SMARCC1: variants seen among roughly 807,000 people sequenced by gnomAD.
The protein encoded by SMARCC1 is SWI/SNF related BAF chromatin remodeling complex subunit C1, also known as SWI/SNF complex subunit SMARCC1.
Under a neutral mutation model 147.4 loss-of-function variants are expected in SMARCC1, and 43 were observed. The observed-to-expected ratio is 0.29, with a 90% CI of 0.23 to 0.38. The LOEUF (loss-of-function observed/expected upper bound fraction) is 0.38. Ranked by LOEUF, SMARCC1 falls within the 10% of genes least tolerant of loss-of-function variation. The pLI is 1.00. For missense variants in SMARCC1, 1,119 were observed against 1,381.1 expected, an observed-to-expected ratio of 0.81 and a Z score of 3.01; for synonymous variants, 495 against 484.4, an observed-to-expected ratio of 1.02 and a Z score of -0.29.
chr3:47,677,259 G>A (rs1158406392), intron 16 of SMARCC1, among the ~76,000 whole-genome samples: 2 of 151,522 alleles, frequency 1.3e-5, no homozygotes, highest in Non-Finnish European at 2.9e-5. Flanking sequence ...ATCACCATGC[G>A]CAGCTAATTT....
At chr3:47,679,436 G>C (rs2033612308) in intron 15 of SMARCC1, among the ~76,000 whole-genome samples, 1 of 152,144 alleles carries the variant, frequency 6.6e-6, no homozygotes. Context: ...ATGCAATTAA[G>C]CTCCATTCAC....
chr3:47,756,533 C>CA (rs11353915), intron 2 of SMARCC1, among the ~76,000 whole-genome samples: 4,217 of 82,738 alleles, frequency 0.051, 246 homozygotes, highest in African/African-American at 0.16. Flanking sequence ...AACTCCGTCT[C>CA]AAAAAAAAAA....
At chr3:47,677,766 G>A (rs1576408448) in intron 16 of SMARCC1, among the ~76,000 whole-genome samples, 1 of 152,210 alleles carries the variant, frequency 6.6e-6, no homozygotes, top group Non-Finnish European at 1.5e-5. Context: ...TCGAACTCCT[G>A]ACCTCAGGTG....
Position 47,781,623 on chromosome 3 carries a change from G to A in SMARCC1, c.175C>T (p.Leu59=), listed in dbSNP as rs963148434. 1 of 1,553,048 alleles carries A rather than the reference G, an allele frequency of 6.4e-7. No individual in the cohort carries two copies. The highest frequency in any genetic ancestry group is 8.7e-7 in the Non-Finnish European group (1 of 1,153,866). Residue 59 remains leucine, a synonymous_variant, in exon 1 of 28, where the codon CTG becomes TTG. Transcript: ENST00000254480. ...CCCACCTTCTTGTAGTGCTTGCCCA[G>A]CCAGACCCGCACCGAATCCAGCTGG... is the stretch of plus-strand genomic sequence containing the variant. ...VSQLDSVRVW[L]GKHYKKYVHA...
rs187173840 is a variant in SMARCC1 at position 47,650,136 on chromosome 3, C to T, written c.2320+11158G>A. Among the ~76,000 whole-genome samples, 13 of 151,844 alleles carry T rather than the reference C, an allele frequency of 8.6e-5. No individual in the cohort carries two copies. In the East Asian group the frequency reaches 2.5e-3, roughly 30 times the overall value. On this transcript the variant is annotated intron_variant, in intron 21 of 27. Coordinates refer to ENST00000254480, the MANE Select transcript of SMARCC1 (RefSeq NM_003074.4). ...CTAAAAATACAAAAAATTAGCCAGG[C>T]ATGGTGGTGGGCGCCTGTAGTCCCA... is the stretch of plus-strand genomic sequence containing the variant.
At chr3:47,654,238 C>G (rs144988679) in intron 21 of SMARCC1, among the ~76,000 whole-genome samples, 2 of 152,228 alleles carry the variant, frequency 1.3e-5, no homozygotes, top group African/African-American at 4.8e-5. Context: ...TACAAATGAA[C>G]CAATACCAAA....
intron 2 of SMARCC1, among the ~76,000 whole-genome samples, chr3:47,752,657 T>G (rs989556843): frequency 3.3e-5 from 5 of 151,992 alleles, no homozygotes; most frequent in African/African-American, 9.7e-5. Flanking sequence ...TAGCCCGGCA[T>G]GGTAGGATGT....
At chr3:47,706,335 G>A in intron 10 of SMARCC1, 74 bp downstream of exon 10, 3 of 1,370,346 alleles carry the variant, frequency 2.2e-6, no homozygotes, top group Non-Finnish European at 2.9e-6. Context: ...GCCTCCAAAA[G>A]TGCTGGGATT....
At chr3:47,632,196 A>C (rs2032900687) in intron 24 of SMARCC1, among the ~76,000 whole-genome samples, 1 of 152,192 alleles carries the variant, frequency 6.6e-6, no homozygotes, top group African/African-American at 2.4e-5. Context: ...AAGCTATTTT[A>C]AGATAATCAG....
chr3:47,670,521 C>G lies in SMARCC1; in HGVS notation c.1899+137G>C, dbSNP rs115399146. ...ATCGCCTGAGCCTGGGAGGTAGAGG[C>G]TGCACTGAGCTACCATCAGGCCACT... On this transcript the variant is annotated intron_variant, in intron 19 of 27. Transcript: ENST00000254480. 932 of 662,932 alleles carry G rather than the reference C, an allele frequency of 1.4e-3. 13 individuals carry two copies. The African/African-American group carries it at 0.015, about 11-fold the overall frequency. The allele number at this position is 662,932 out of a possible 1,614,324, so 41.1% of individuals were successfully genotyped here.
intron 25 of SMARCC1, among the ~76,000 whole-genome samples, chr3:47,618,531 G>C (rs544330209): frequency 6.6e-6 from 1 of 152,222 alleles, no homozygotes; most frequent in Admixed American, 6.5e-5. Flanking sequence ...CTGGGCAACA[G>C]AGTGAGCCCT....
At chr3:47,727,420 T>A (rs1295519557) in intron 6 of SMARCC1, among the ~76,000 whole-genome samples, 2 of 151,580 alleles carry the variant, frequency 1.3e-5, no homozygotes, top group Non-Finnish European at 2.9e-5. Context: ...GGCAGGAGAA[T>A]CACTTGAACC....
chr3:47,675,398 G>A (rs1435157523), intron 18 of SMARCC1, 77 bp downstream of exon 18: 2 of 676,544 alleles, frequency 3.0e-6, no homozygotes, highest in African/African-American at 3.7e-5. Flanking sequence ...TCAGATTTGA[G>A]TAGAAAGCTC....
chr3:47,587,056 G>A lies in SMARCC1; in HGVS notation c.*1153C>T, dbSNP rs894607213. On this transcript the variant is annotated 3_prime_UTR_variant, in exon 28 of 28. Transcript: ENST00000254480. ...GAATGTGAGATCTCAGAAATGGAAG[G>A]GAGAAGGTATAAGGAGCTAATATCC... is the stretch of plus-strand genomic sequence containing the variant. 6 of 152,484 alleles carry A rather than the reference G, an allele frequency of 3.9e-5. No individual in the cohort carries two copies. Among genetic ancestry groups the A allele is most frequent in the Non-Finnish European group, 8.8e-5 (6 of 68,036 alleles). The allele number at this position is 152,484 out of a possible 1,614,324, so 9.4% of individuals were successfully genotyped here. A position where few individuals can be genotyped will look rare whatever the true frequency, so the allele number is the denominator to read the frequency against.
chr3:47,679,823 C>T (rs1031189047), intron 15 of SMARCC1, among the ~76,000 whole-genome samples: 2 of 141,514 alleles, frequency 1.4e-5, no homozygotes, highest in African/African-American at 5.3e-5. Flanking sequence ...GATTGCAACA[C>T]TGCACTCCAG....
At chr3:47,729,185 G>T in intron 5 of SMARCC1, 91 bp from the exon 6 acceptor site, 2 of 777,942 alleles carry the variant, frequency 2.6e-6, no homozygotes, top group Non-Finnish European at 4.2e-6. Context: ...AATTCTAAAA[G>T]CATGGTTTTA....
At chr3:47,780,004 TAC>T (rs2035021408) in intron 1 of SMARCC1, among the ~76,000 whole-genome samples, 3 of 152,142 alleles carry the variant, frequency 2.0e-5, no homozygotes, top group Admixed American at 2.0e-4. Flanking sequence ...ACTAAAAATC[TAC>T]AGTCTAAATG....
chr3:47,774,475 T>C (rs1296435129), intron 1 of SMARCC1, among the ~76,000 whole-genome samples: 3 of 152,128 alleles, frequency 2.0e-5, no homozygotes, highest in African/African-American at 4.8e-5. Flanking sequence ...TGGAGCACAG[T>C]GGCGCAATCT....
chr3:47,638,159 C>T (rs1576395334), intron 22 of SMARCC1, among the ~76,000 whole-genome samples: 1 of 152,134 alleles, frequency 6.6e-6, no homozygotes, highest in South Asian at 2.1e-4. Context: ...GGCGCGATCT[C>T]GGCTCACTGC....
Sources: allele counts gnomAD v4.1 joint callset (sites outside exome capture counted in the v4.1 genomes callset), GRCh38; gene constraint gnomAD v4.1.1; transcripts MANE v1.5; gene names NCBI Gene and HGNC (gene_info 2026-07-23, HGNC 2026-07-21).